Variants in KPNA2 observed in about 807,000 individuals in gnomAD.
KPNA2 encodes the protein karyopherin subunit alpha 2.
A neutral mutation model predicts 53.7 loss-of-function variants in KPNA2; 20 were observed. That is an observed-to-expected ratio of 0.37 (90% CI 0.26 to 0.54). The LOEUF is 0.54. KPNA2 is among the 20% of genes least tolerant of loss of function. The pLI, the probability that KPNA2 is intolerant of heterozygous loss-of-function variation, is 0.83. For synonymous variants in KPNA2, 238 were observed against 227.5 expected (o/e 1.05, Z -0.42); for missense variants, 515 against 640.3 (o/e 0.80, Z 2.11).
chr17:68,040,491 C>T (rs186034927), intron 3 of KPNA2, among the ~76,000 whole-genome samples, 187 bp from the exon 4 acceptor site: 1 of 152,112 alleles, frequency 6.6e-6, no homozygotes, highest in African/African-American at 2.4e-5. Context: ...TCCATGACAA[C>T]AAGTTTGGAA....
At position 68,037,170 on chromosome 17, in the gene KPNA2, G is replaced by A. The variant is rs782141982; in HGVS notation, c.38G>A (p.Arg13His). The change falls in exon 2 of 11, where the codon CGT (arginine) becomes CAT (histidine). Residue 13 changes from arginine to histidine, a missense_variant. Physicochemically the swap from Arg to His is conservative, Grantham distance 29. Coordinates refer to ENST00000330459, the MANE Select transcript of KPNA2 (RefSeq NM_002266.4). Reference protein sequence around the residue: ...TNENANTPAARLHRFKNKGKD... With the variant: ...TNENANTPAAHLHRFKNKGKD... The stretch of plus-strand genomic sequence containing the variant: ...GAGAATGCTAATACACCAGCTGCCC[G>A]TCTTCACAGATTCAAGAACAAGGGA... 3.7e-6 allele frequency: 6 copies of A among 1,613,152 alleles called. No individual in the cohort carries two copies. The highest frequency in any genetic ancestry group is 1.7e-5 in the Admixed American group (1 of 59,734).
Position 68,043,361 on chromosome 17 carries a change from G to T in KPNA2, c.928G>T (p.Val310Leu). 6.2e-7 allele frequency: 1 copy of T among 1,613,940 alleles called. No individual in the cohort carries two copies. The highest frequency in any genetic ancestry group is 1.1e-5 in the South Asian group (1 of 91,072). Residue 310 changes from valine to leucine, a missense_variant and splice_region_variant, in exon 7 of 11, where the codon GTG becomes TTG. Physicochemically the swap from Val to Leu is conservative, Grantham distance 32 (BLOSUM62 1). Coordinates refer to ENST00000330459, the MANE Select transcript of KPNA2 (RefSeq NM_002266.4). Reference sequence around the variant, plus strand: ...TCTAGGAGCTTCTGAATTGCCAATTGTGGTAAGTTATTTACTTGTAGATTA... The same window carrying T: ...TCTAGGAGCTTCTGAATTGCCAATTTTGGTAAGTTATTTACTTGTAGATTA... ...KLLGASELPI[V>L]TPALRAIGNI... is the part of the protein sequence containing the mutation.
In KPNA2 at chr17:68,044,481, A is replaced by C; in HGVS notation, c.1325A>C (p.Asp442Ala). ...KDTKIILVIL[D>A]AISNIFQAAE... Reference sequence around the variant, plus strand: ...ACCAAGATTATTCTGGTTATCCTGGATGCCATTTCAAATATCTTTCAGGTA... The same window carrying C: ...ACCAAGATTATTCTGGTTATCCTGGCTGCCATTTCAAATATCTTTCAGGTA... Residue 442 changes from aspartate to alanine, a missense_variant, in exon 9 of 11, where the codon GAT becomes GCT. By Grantham distance (126) the Asp-to-Ala change is moderately radical. Transcript: ENST00000330459. 1 of 1,613,684 alleles carries C rather than the reference A, an allele frequency of 6.2e-7. No individual in the cohort carries two copies. The highest frequency in any genetic ancestry group is 8.5e-7 in the Non-Finnish European group (1 of 1,179,842).
At chr17:68,037,037 A>G (rs762656064) in intron 1 of KPNA2, 73 bp from the exon 2 acceptor site, 111 of 966,372 alleles carry the variant, frequency 1.1e-4, no homozygotes, top group Non-Finnish European at 1.7e-4. Flanking sequence ...TTGATAATTC[A>G]GTTCTTATTT....
At position 68,037,211 on chromosome 17, in the gene KPNA2, A is replaced by T. The variant is rs782597197; in HGVS notation, c.75+4A>T. On this transcript the variant is annotated splice_donor_region_variant and intron_variant, in intron 2 of 10. Coordinates refer to ENST00000330459, the MANE Select transcript of KPNA2 (RefSeq NM_002266.4). Reference sequence around the variant, plus strand: ...GAACAAGGGAAAAGACAGTACAGTGAGTACCTTCTGTTGCTTTCCTGTGGT... The same window carrying T: ...GAACAAGGGAAAAGACAGTACAGTGTGTACCTTCTGTTGCTTTCCTGTGGT... 30 of 1,609,028 alleles carry T rather than the reference A, an allele frequency of 1.9e-5. No homozygotes were observed. Among genetic ancestry groups the T allele is most frequent in the African/African-American group, 2.7e-5 (2 of 74,608 alleles).
At position 68,045,850 on chromosome 17, in the gene KPNA2, C is replaced by T. The variant is rs1251880246; in HGVS notation, c.1426C>T (p.Leu476=). Residue 476 remains leucine, a synonymous_variant, in exon 10 of 11, where the codon CTA becomes TTA. Coordinates refer to ENST00000330459, the MANE Select transcript of KPNA2 (RefSeq NM_002266.4). ...ECGGLDKIEA[L]QNHENESVYK... is the part of the protein sequence containing the mutation. ...TGGAGGCTTAGACAAAATTGAAGCTCTACAAAACCATGAAAATGAGTCTGT... is the reference window on the plus strand; with the variant it reads ...TGGAGGCTTAGACAAAATTGAAGCTTTACAAAACCATGAAAATGAGTCTGT... 24 of 1,607,650 alleles carry T rather than the reference C, an allele frequency of 1.5e-5. No homozygotes were observed. Among genetic ancestry groups the T allele is most frequent in the Non-Finnish European group, 1.7e-5 (20 of 1,176,700 alleles).
chr17:68,040,689 T>C lies in KPNA2; in HGVS notation c.225T>C (p.Asn75=). 1 of 1,610,734 alleles carries C rather than the reference T, an allele frequency of 6.2e-7. No homozygotes were observed. Among genetic ancestry groups the C allele is most frequent in the Non-Finnish European group, 8.5e-7 (1 of 1,177,330 alleles). Residue 75 remains asparagine (N), a synonymous_variant, in exon 4 of 11, where the codon AAT becomes AAC. Coordinates refer to ENST00000330459, the MANE Select transcript of KPNA2 (RefSeq NM_002266.4). ...QENRNNQGTV[N]WSVDDIVKGI... is the part of the protein sequence containing the mutation. Reference sequence around the variant, plus strand: ...CACTTTTCTTCTAGGGCACTGTAAATTGGTCTGTTGATGACATTGTCAAAG... The same window carrying C: ...CACTTTTCTTCTAGGGCACTGTAAACTGGTCTGTTGATGACATTGTCAAAG...
chr17:68,037,841 C>T (rs1184184462), intron 3 of KPNA2, among the ~76,000 whole-genome samples: 1 of 151,062 alleles, frequency 6.6e-6, no homozygotes, highest in African/African-American at 2.4e-5. Context: ...TGCTCTGTTG[C>T]TCAGGCTGGA....
At chr17:68,040,180 A>G (rs2071241013) in intron 3 of KPNA2, among the ~76,000 whole-genome samples, 1 of 152,154 alleles carries the variant, frequency 6.6e-6, no homozygotes, top group African/African-American at 2.4e-5. Flanking sequence ...TAACGTAGAA[A>G]TAATCTTCAG....
rs782470752 is a variant in KPNA2, at chr17:68,043,940, A to G, written c.1033A>G (p.Thr345Ala). 6.2e-7 allele frequency: 1 copy of G among 1,613,834 alleles called. No individual in the cohort carries two copies. The highest frequency in any genetic ancestry group is 1.3e-5 in the African/African-American group (1 of 74,996). ...GALAVFPSLLTNPKTNIQKEA... is the reference protein window; with the variant it reads ...GALAVFPSLLANPKTNIQKEA... ...ACTCGCCGTCTTTCCCAGCCTGCTC[A>G]CCAACCCCAAAACTAACATTCAGAA... The change falls in exon 8 of 11, where the codon ACC (threonine) becomes GCC (alanine). Residue 345 changes from threonine to alanine, a missense_variant. Transcript: ENST00000330459.
At chr17:68,037,031 T>C (rs2071197884) in intron 1 of KPNA2, 79 bp from the exon 2 acceptor site, 2 of 936,456 alleles carry the variant, frequency 2.1e-6, no homozygotes, top group Non-Finnish European at 3.5e-6. Context: ...AGATGCTTGA[T>C]AATTCAGTTC....
At chr17:68,045,091 A>G (rs112785345) in intron 9 of KPNA2, among the ~76,000 whole-genome samples, 4,508 of 72,406 alleles carry the variant, frequency 0.062, 91 homozygotes, top group Middle Eastern at 0.11. Context: ...AAACTGTCTT[A>G]AAAAAAAAAA....
Position 68,044,417 on chromosome 17 carries a change from A to C in KPNA2, c.1261A>C (p.Ile421Leu). The C allele has an allele frequency of 1.2e-6, 2 of 1,614,024 alleles. No individual in the cohort carries two copies. The highest frequency in any genetic ancestry group is 1.7e-6 in the Non-Finnish European group (2 of 1,179,842). The change falls in exon 9 of 11, where the codon ATA becomes CTA. Residue 421 changes from isoleucine to leucine, a missense_variant. Coordinates refer to ENST00000330459, the MANE Select transcript of KPNA2 (RefSeq NM_002266.4). Reference sequence around the variant, plus strand: ...GATTGTGTACCTTGTTCACTGTGGCATAATAGAACCGTTGATGAACCTCTT... The same window carrying C: ...GATTGTGTACCTTGTTCACTGTGGCCTAATAGAACCGTTGATGAACCTCTT... ...EQIVYLVHCG[I>L]IEPLMNLLTA...
chr17:68,039,307 C>T (rs2071225990), intron 3 of KPNA2, among the ~76,000 whole-genome samples: 2 of 151,502 alleles, frequency 1.3e-5, no homozygotes, highest in African/African-American at 4.8e-5. Context: ...TTTTAGTAGA[C>T]ACGGGGATTC....
Position 68,043,164 on chromosome 17 carries a change from C to A in KPNA2, c.731C>A (p.Pro244His), listed in dbSNP as rs11545987. ...SNLCRNKNPA[P>H]PIDAVEQILP... ...CTTTGCCGCAACAAGAATCCTGCAC[C>A]CCCGATAGATGCTGTTGAGCAGATT... is the stretch of plus-strand genomic sequence containing the variant. Residue 244 changes from proline (P) to histidine (H), a missense_variant, in exon 7 of 11, where the codon CCC becomes CAC. Transcript: ENST00000330459. The A allele has an allele frequency of 5.0e-6, 8 of 1,614,002 alleles. No individual in the cohort carries two copies. Among genetic ancestry groups the A allele is most frequent in the Non-Finnish European group, 6.8e-6 (8 of 1,180,010 alleles).
chr17:68,037,814 C>T (rs1381851396), intron 3 of KPNA2, among the ~76,000 whole-genome samples: 6 of 145,624 alleles, frequency 4.1e-5, no homozygotes, highest in South Asian at 2.2e-4. Flanking sequence ...TTTTTTTTTT[C>T]CCCCGAGATG....
intron 1 of KPNA2, chr17:68,036,071 G>A (rs1336807354): frequency 6.6e-6 from 1 of 152,276 alleles, no homozygotes; most frequent in African/African-American, 2.4e-5. Flanking sequence ...TTAACGCGTC[G>A]CGGCCGGGAG....
chr17:68,045,988 T>C, intron 10 of KPNA2, 67 bp downstream of exon 10: 2 of 1,061,356 alleles, frequency 1.9e-6, no homozygotes, highest in South Asian at 2.2e-5. Flanking sequence ...AGCCTTTTTT[T>C]CCCTTTTAAA....
intron 7 of KPNA2, 55 bp downstream of exon 7, chr17:68,043,418 G>C: frequency 3.2e-6 from 5 of 1,558,196 alleles, no homozygotes; most frequent in Non-Finnish European, 4.4e-6. Context: ...GATCAGGGCT[G>C]GGCGTGGTAG....
Sources: allele counts gnomAD v4.1 joint callset (sites outside exome capture counted in the v4.1 genomes callset), GRCh38; gene constraint gnomAD v4.1.1; transcripts MANE v1.5; gene names NCBI Gene and HGNC (gene_info 2026-07-23, HGNC 2026-07-21).